Variants in ZSCAN5A observed in about 807,000 individuals in gnomAD.
The protein encoded by ZSCAN5A is zinc finger and SCAN domain-containing protein 5A.
Under a neutral mutation model 23.7 loss-of-function variants are expected in ZSCAN5A, and 12 were observed. The observed-to-expected ratio is 0.51, with a 90% confidence interval of 0.32 to 0.82. The LOEUF (loss-of-function observed/expected upper bound fraction) is 0.82, where lower values mean the gene tolerates loss of function less well. Ranked by LOEUF, ZSCAN5A falls within the 40% of genes least tolerant of loss-of-function variation. The probability of loss-of-function intolerance (pLI) is 0.03; values close to 1 mark genes in which losing one functional copy is unlikely to be tolerated. For synonymous variants in ZSCAN5A, 257 were observed against 239.9 expected (o/e 1.07, Z -0.66); for missense variants, 597 against 617.9 (o/e 0.97, Z 0.36).
chr19:56,276,639 C>T (rs1021020408), intron 2 of ZSCAN5A, among the ~76,000 whole-genome samples: 2 of 151,732 alleles, frequency 1.3e-5, no homozygotes, highest in East Asian at 1.9e-4. Context: ...TGGGTTCAAG[C>T]GATTCTCCTG....
intron 2 of ZSCAN5A, chr19:56,282,369 G>A (rs2038778677): frequency 9.7e-6 from 4 of 414,074 alleles, no homozygotes; most frequent in Admixed American, 6.4e-5. Context: ...AGGACCTATG[G>A]GGTGCAATGA....
rs199589615 is a variant in ZSCAN5A, at chr19:56,339,275, T to TGCCGC, written c.-357-23008_-357-23007insGCGGC. Among the ~76,000 whole-genome samples, 1,300 of 147,102 alleles carry TGCCGC rather than the reference T, an allele frequency of 8.8e-3. 31 individuals are homozygous for TGCCGC. Among genetic ancestry groups the TGCCGC allele is most frequent in the African/African-American group, 0.032 (1,227 of 38,848 alleles). Reference sequence around the variant, plus strand: ...ATATGCAAAGGAGCAGCTGTAGCCATATTTAGCAATATGCGAAGGAGCGGC... The same window carrying TGCCGC: ...ATATGCAAAGGAGCAGCTGTAGCCATGCCGCATTTAGCAATATGCGAAGGAGCGGC... On this transcript the variant is annotated intron_variant, in intron 2 of 6. Transcript: ENST00000587340.
chr19:56,267,976 C>T (rs371820393), intron 2 of ZSCAN5A, among the ~76,000 whole-genome samples: 2 of 152,236 alleles, frequency 1.3e-5, no homozygotes, highest in South Asian at 2.1e-4. Context: ...GGTTTGATCC[C>T]GCACCTCTAT....
intron 2 of ZSCAN5A, among the ~76,000 whole-genome samples, chr19:56,327,508 G>A (rs572959423): frequency 3.4e-4 from 51 of 150,412 alleles, no homozygotes; most frequent in African/African-American, 1.2e-3. Context: ...TGTTAAATAT[G>A]TATACCATAT....
intron 2 of ZSCAN5A, among the ~76,000 whole-genome samples, chr19:56,353,297 G>A (rs1353666031): frequency 1.3e-5 from 2 of 152,174 alleles, no homozygotes; most frequent in African/African-American, 4.8e-5. Flanking sequence ...GTGGGAAAAT[G>A]GGAGTGAAAA....
In ZSCAN5A at chr19:56,221,800, G is replaced by C; in HGVS notation, c.1266C>G (p.Thr422=). The C allele has an allele frequency of 1.2e-6, 2 of 1,614,036 alleles. No individual in the cohort carries two copies. The highest frequency in any genetic ancestry group is 1.7e-6 in the Non-Finnish European group (2 of 1,179,918). The stretch of plus-strand genomic sequence containing the variant: ...TGTGACACTTCAAGTAGGACTTCTG[G>C]GTGAACTGCTTCTGGCAGACGTCAC... ...YTCDVCQKQF[T]QKSYLKCHKR... The change falls in exon 6 of 6, where the codon ACC becomes ACG. Residue 422 remains threonine, a synonymous_variant. Transcript: ENST00000683990.
intron 2 of ZSCAN5A, among the ~76,000 whole-genome samples, chr19:56,265,238 C>T (rs1292427647): frequency 6.6e-6 from 1 of 151,660 alleles, no homozygotes; most frequent in African/African-American, 2.4e-5. Context: ...AAACCATTCT[C>T]AGATCCATCC....
intron 2 of ZSCAN5A, among the ~76,000 whole-genome samples, chr19:56,253,781 A>C (rs531528575): frequency 1.3e-5 from 2 of 152,308 alleles, no homozygotes; most frequent in South Asian, 4.1e-4. Flanking sequence ...GTAGGGATGC[A>C]GTGTCTCTTC....
At chr19:56,363,930 G>C (rs1432514766) in intron 1 of ZSCAN5A, among the ~76,000 whole-genome samples, 1 of 152,176 alleles carries the variant, frequency 6.6e-6, no homozygotes, top group Non-Finnish European at 1.5e-5. Context: ...TGGTAGAAGA[G>C]AAAAGCCTAT....
chr19:56,239,731 T>C (rs1251741400), intron 2 of ZSCAN5A, among the ~76,000 whole-genome samples: 1 of 152,268 alleles, frequency 6.6e-6, no homozygotes, highest in Non-Finnish European at 1.5e-5. Context: ...TTCAATATAC[T>C]GACATTAATA....
chr19:56,260,465 C>T (rs1375525087), intron 2 of ZSCAN5A, among the ~76,000 whole-genome samples: 4 of 152,050 alleles, frequency 2.6e-5, no homozygotes, highest in Non-Finnish European at 5.9e-5. Context: ...CCGCCCGCCT[C>T]GGCCTCCCAA....
chr19:56,232,234 C>G (rs976597987), intron 2 of ZSCAN5A, among the ~76,000 whole-genome samples: 1 of 151,958 alleles, frequency 6.6e-6, no homozygotes, highest in African/African-American at 2.4e-5. Flanking sequence ...CTTTTGCCTC[C>G]CAAAGTGCTG....
chr19:56,258,474 CAG>C (rs1409922350), intron 2 of ZSCAN5A, among the ~76,000 whole-genome samples: 2 of 137,504 alleles, frequency 1.5e-5, no homozygotes, highest in African/African-American at 5.9e-5. Context: ...TGGGGGGTGA[CAG>C]AGACGCCTTC....
At chr19:56,328,207 T>G (rs747529598) in intron 2 of ZSCAN5A, among the ~76,000 whole-genome samples, 14 of 152,198 alleles carry the variant, frequency 9.2e-5, no homozygotes, top group Non-Finnish European at 1.9e-4. Context: ...ATAACTGACA[T>G]GTATGTTGCA....
intron 2 of ZSCAN5A, among the ~76,000 whole-genome samples, chr19:56,242,200 G>A (rs2035481905): frequency 2.0e-5 from 3 of 152,042 alleles, no homozygotes; most frequent in South Asian, 4.1e-4. Flanking sequence ...ACCAACACTC[G>A]TTCCATGTGT....
At chr19:56,296,069 T>A (rs1190493575) in intron 2 of ZSCAN5A, 1 of 152,338 alleles carries the variant, frequency 6.6e-6, no homozygotes, top group Non-Finnish European at 1.5e-5. Flanking sequence ...GAAAGATGGA[T>A]CTGACAAGCT....
intron 2 of ZSCAN5A, among the ~76,000 whole-genome samples, chr19:56,293,567 G>A (rs1333722481): frequency 1.3e-5 from 2 of 152,228 alleles, no homozygotes; most frequent in Non-Finnish European, 2.9e-5. Context: ...TTCTAGTTCC[G>A]TGGGCTTCGG....
intron 2 of ZSCAN5A, among the ~76,000 whole-genome samples, chr19:56,271,116 G>T (rs1176452306): frequency 6.6e-6 from 1 of 152,194 alleles, no homozygotes; most frequent in Non-Finnish European, 1.5e-5. Context: ...CTGGTAATGA[G>T]GCTGCTAAGG....
chr19:56,268,642 CAT>C (rs1372772153), intron 2 of ZSCAN5A, among the ~76,000 whole-genome samples: 1 of 152,098 alleles, frequency 6.6e-6, no homozygotes, highest in Non-Finnish European at 1.5e-5. Context: ...AGGTAAAATT[CAT>C]ATGATATAAA....
Sources: gnomAD v4.1 joint callset for allele counts (sites outside exome capture counted in the v4.1 genomes callset) on GRCh38, gnomAD v4.1.1 for gene constraint, MANE v1.5 for transcripts, NCBI Gene and HGNC (gene_info 2026-07-23, HGNC 2026-07-21) for gene names.